Variants in HECTD2 observed in about 807,000 individuals in gnomAD.
HECTD2 encodes the protein HECT domain E3 ubiquitin protein ligase 2.
In HECTD2, 35 loss-of-function variants were observed where a neutral mutation model predicts 103.2. The observed-to-expected ratio is 0.34, with a 90% confidence interval of 0.26 to 0.45. The LOEUF is 0.45. HECTD2 is among the 20% of genes least tolerant of loss of function. HECTD2 has a pLI of 1.00. For missense variants in HECTD2, 596 were observed against 937.4 expected, an observed-to-expected ratio of 0.64 and a Z score of 4.76; for synonymous variants, 281 against 329.9, an observed-to-expected ratio of 0.85 and a Z score of 1.61.
intron 5 of HECTD2, chr10:91,462,815 A>G (rs1845402442): frequency 7.2e-6 from 7 of 967,000 alleles, no homozygotes; most frequent in East Asian, 1.1e-4. Flanking sequence ...CTATAGATCA[A>G]TTTGTGAAAA....
intron 16 of HECTD2, among the ~76,000 whole-genome samples, chr10:91,498,499 T>G (rs1161046508): frequency 5.3e-5 from 8 of 152,042 alleles, no homozygotes; most frequent in African/African-American, 1.9e-4. Context: ...AAGCTAGGAG[T>G]AGAAACTAAT....
chr10:91,488,858 C>G (rs1197145580), intron 11 of HECTD2: 1 of 152,012 alleles, frequency 6.6e-6, no homozygotes, highest in African/African-American at 2.4e-5. Flanking sequence ...ACACTACCCC[C>G]CTGAAGAATG....
intron 1 of HECTD2, among the ~76,000 whole-genome samples, chr10:91,413,883 G>A (rs1843018000): frequency 6.6e-6 from 1 of 152,170 alleles, no homozygotes; most frequent in Non-Finnish European, 1.5e-5. Context: ...GCTGTGGAGA[G>A]GTGATGCAAA....
intron 16 of HECTD2, 50 bp downstream of exon 16, chr10:91,498,232 A>T: frequency 8.0e-7 from 1 of 1,248,268 alleles, no homozygotes; most frequent in Non-Finnish European, 1.2e-6. Context: ...TTCATATATG[A>T]ACAGTGCAAT....
chr10:91,461,052 A>G (rs1350683982), intron 3 of HECTD2, among the ~76,000 whole-genome samples: 1 of 152,220 alleles, frequency 6.6e-6, no homozygotes, highest in African/African-American at 2.4e-5. Context: ...TTTTTTAAAA[A>G]TAAGTAAATG....
intron 5 of HECTD2, chr10:91,463,187 TAAAC>T (rs1466759899): frequency 1.3e-5 from 2 of 152,032 alleles, no homozygotes; most frequent in South Asian, 2.1e-4. Flanking sequence ...ACTGATAACA[TAAAC>T]AGTCAATTAA....
intron 20 of HECTD2, among the ~76,000 whole-genome samples, chr10:91,506,398 G>C (rs1467586918): frequency 2.7e-3 from 396 of 147,676 alleles, no homozygotes; most frequent in Non-Finnish European, 4.1e-3. Context: ...AAGAAAAAAA[G>C]AGAGAAGAAT....
chr10:91,445,253 T>C (rs1417035435), intron 2 of HECTD2, among the ~76,000 whole-genome samples: 2 of 152,150 alleles, frequency 1.3e-5, no homozygotes, highest in African/African-American at 2.4e-5. Flanking sequence ...CCAGCACAGA[T>C]GGCAACAGCA....
At chr10:91,465,367 G>T (rs1374587288) in intron 5 of HECTD2, among the ~76,000 whole-genome samples, 5 of 152,046 alleles carry the variant, frequency 3.3e-5, no homozygotes, top group East Asian at 1.9e-4. Flanking sequence ...GCACTGAAAG[G>T]GCCTACAGCA....
At chr10:91,474,715 AT>A (rs1845844663) in intron 5 of HECTD2, among the ~76,000 whole-genome samples, 1 of 152,218 alleles carries the variant, frequency 6.6e-6, no homozygotes, top group Non-Finnish European at 1.5e-5. Context: ...TCTAATTTCT[AT>A]TGGGGGCAGG....
chr10:91,420,263 T>G (rs1480912796), intron 1 of HECTD2, among the ~76,000 whole-genome samples: 2 of 150,304 alleles, frequency 1.3e-5, no homozygotes, highest in Non-Finnish European at 2.9e-5. Flanking sequence ...TCTATGTTGT[T>G]TAAGCTTTTA....
chr10:91,488,241 T>C (rs898403330), intron 11 of HECTD2: 3 of 152,988 alleles, frequency 2.0e-5, no homozygotes, highest in African/African-American at 7.2e-5. Flanking sequence ...CTGAGAAATA[T>C]GCCCAAAGAA....
At chr10:91,474,056 CT>C (rs1463706389) in intron 5 of HECTD2, among the ~76,000 whole-genome samples, 1 of 152,056 alleles carries the variant, frequency 6.6e-6, no homozygotes, top group Non-Finnish European at 1.5e-5. Context: ...GTAGAGGAAG[CT>C]TATTGGAATT....
chr10:91,502,035 C>T (rs1420550383), intron 20 of HECTD2, among the ~76,000 whole-genome samples: 1 of 152,050 alleles, frequency 6.6e-6, no homozygotes, highest in Non-Finnish European at 1.5e-5. Flanking sequence ...CTTTGCTTTT[C>T]CACTGCCTCT....
At chr10:91,477,151 G>A (rs376950821) in intron 5 of HECTD2, among the ~76,000 whole-genome samples, 1 of 149,936 alleles carries the variant, frequency 6.7e-6, no homozygotes, top group South Asian at 2.1e-4. Context: ...ACTGCAGTAC[G>A]CAGTCTGGCC....
intron 1 of HECTD2, among the ~76,000 whole-genome samples, chr10:91,418,879 C>G (rs1192411388): frequency 6.6e-6 from 1 of 152,080 alleles, no homozygotes; most frequent in East Asian, 1.9e-4. Flanking sequence ...ATTTATCAGT[C>G]TTTTGTCATA....
At chr10:91,500,085 G>T (rs1846837573) in intron 18 of HECTD2, among the ~76,000 whole-genome samples, 1 of 151,914 alleles carries the variant, frequency 6.6e-6, no homozygotes, top group Admixed American at 6.6e-5. Context: ...CCTGAAAGTT[G>T]AAAAAAACAA....
intron 1 of HECTD2, among the ~76,000 whole-genome samples, chr10:91,423,387 A>G (rs1843430269): frequency 6.6e-6 from 1 of 152,192 alleles, no homozygotes; most frequent in Non-Finnish European, 1.5e-5. Context: ...TATAACAAGT[A>G]CTCAACAAAT....
chr10:91,495,367 CTTA>C (rs1379754840), intron 14 of HECTD2, among the ~76,000 whole-genome samples: 8 of 152,020 alleles, frequency 5.3e-5, no homozygotes, highest in Non-Finnish European at 1.2e-4. Context: ...AGTATAAGGC[CTTA>C]TTATCAGACT....
Sources: gnomAD v4.1 joint callset for allele counts (sites outside exome capture counted in the v4.1 genomes callset) on GRCh38, gnomAD v4.1.1 for gene constraint, MANE v1.5 for transcripts, NCBI Gene and HGNC (gene_info 2026-07-23, HGNC 2026-07-21) for gene names.